PDSS2: variants seen among roughly 807,000 people sequenced by gnomAD.
PDSS2 encodes the protein decaprenyl diphosphate synthase subunit 2.
PDSS2 carries 31 observed loss-of-function variants against 44.5 expected under a neutral mutation model. That is an observed-to-expected ratio of 0.70 (90% CI 0.52 to 0.94). The LOEUF is 0.94. Among genes scored for constraint, PDSS2 ranks in the 40% least tolerant of loss-of-function variants. The probability of loss-of-function intolerance (pLI) is 0.00; values close to 1 mark genes in which losing one functional copy is unlikely to be tolerated. For missense variants in PDSS2, 452 were observed against 482.2 expected (o/e 0.94, Z 0.59); for synonymous variants, 157 against 180.3 (o/e 0.87, Z 1.03).
chr6:107,171,458 G>A lies in PDSS2; in HGVS notation c.1042-16681C>T, dbSNP rs147586395. Among the ~76,000 whole-genome samples the A allele has an allele frequency of 1.8e-3, 269 of 152,102 alleles. 2 individuals are homozygous for A. Among genetic ancestry groups the A allele is most frequent in the Non-Finnish European group, 3.1e-3 (208 of 67,988 alleles). On this transcript the variant is annotated intron_variant, in intron 7 of 7. Coordinates refer to ENST00000369037, the MANE Select transcript of PDSS2 (RefSeq NM_020381.4). Reference sequence around the variant, plus strand: ...GTAACAGGTGTGAACCATCACAACCGTCCATGATCTTGGTTCTAATAGCCA... The same window carrying A: ...GTAACAGGTGTGAACCATCACAACCATCCATGATCTTGGTTCTAATAGCCA...
At chr6:107,184,127 C>A (rs12213684) in intron 7 of PDSS2, among the ~76,000 whole-genome samples, 1 of 151,834 alleles carries the variant, frequency 6.6e-6, no homozygotes, top group African/African-American at 2.4e-5. Flanking sequence ...ATGTAAAGTC[C>A]CAGGGTAGGA....
chr6:107,419,336 T>C (rs146011949), intron 1 of PDSS2, among the ~76,000 whole-genome samples: 22 of 152,334 alleles, frequency 1.4e-4, no homozygotes, highest in African/African-American at 5.1e-4. Context: ...TTAACTGACT[T>C]TGTCAAAGGA....
intron 7 of PDSS2, among the ~76,000 whole-genome samples, chr6:107,167,284 C>G (rs368816107): frequency 6.6e-6 from 1 of 152,134 alleles, no homozygotes; most frequent in East Asian, 1.9e-4. Flanking sequence ...TTATAGTATT[C>G]TCTGATGGTA....
At chr6:107,237,384 C>T (rs1355664699) in intron 4 of PDSS2, among the ~76,000 whole-genome samples, 1 of 151,962 alleles carries the variant, frequency 6.6e-6, no homozygotes, top group Non-Finnish European at 1.5e-5. Flanking sequence ...ACTGGGATTA[C>T]AGGCACCCAC....
At chr6:107,333,689 C>T (rs1777783680) in intron 2 of PDSS2, among the ~76,000 whole-genome samples, 1 of 152,124 alleles carries the variant, frequency 6.6e-6, no homozygotes, top group African/African-American at 2.4e-5. Flanking sequence ...GCACATACCA[C>T]CACAACTAGC....
chr6:107,337,367 T>C (rs894112115), intron 1 of PDSS2, among the ~76,000 whole-genome samples: 4 of 152,198 alleles, frequency 2.6e-5, no homozygotes, highest in Middle Eastern at 6.3e-3. Flanking sequence ...AACATTATGC[T>C]ATGTAGTGAT....
rs377274412 is a variant in PDSS2, at chr6:107,338,617, A to C, written c.297-4285T>G. On this transcript the variant is annotated intron_variant, in intron 1 of 7. Coordinates refer to ENST00000369037, the MANE Select transcript of PDSS2 (RefSeq NM_020381.4). ...AGAAGCAACTAACACAATTCAGGGG[A>C]TGTCAAAGAGACTTCCGTGAGATCT... Among the ~76,000 whole-genome samples the C allele has an allele frequency of 1.1e-4, 16 of 152,312 alleles. No individual in the cohort carries two copies. The South Asian group carries it at 3.3e-3, about 32-fold the overall frequency.
At chr6:107,204,416 G>A (rs1352590849) in intron 6 of PDSS2, among the ~76,000 whole-genome samples, 1 of 152,056 alleles carries the variant, frequency 6.6e-6, no homozygotes, top group East Asian at 1.9e-4. Context: ...TTGCTGATCT[G>A]AACATTCATG....
chr6:107,249,272 G>A (rs1774733811), intron 3 of PDSS2, among the ~76,000 whole-genome samples: 1 of 152,174 alleles, frequency 6.6e-6, no homozygotes, highest in African/African-American at 2.4e-5. Flanking sequence ...TTCAGTACAA[G>A]CCTTGCGTAG....
At chr6:107,449,387 C>T (rs1013496329) in intron 1 of PDSS2, among the ~76,000 whole-genome samples, 1 of 152,146 alleles carries the variant, frequency 6.6e-6, no homozygotes, top group African/African-American at 2.4e-5. Context: ...TAACCAATCT[C>T]CAGAACTTTT....
chr6:107,346,414 G>T (rs1778250556), intron 1 of PDSS2, among the ~76,000 whole-genome samples: 1 of 152,036 alleles, frequency 6.6e-6, no homozygotes, highest in Non-Finnish European at 1.5e-5. Flanking sequence ...AGGCTCATAG[G>T]AATAATTTAT....
At chr6:107,255,444 A>G (rs1774980429) in intron 3 of PDSS2, among the ~76,000 whole-genome samples, 1 of 151,520 alleles carries the variant, frequency 6.6e-6, no homozygotes, top group Non-Finnish European at 1.5e-5. Flanking sequence ...CACTGGCCTC[A>G]GCCTCCCAAA....
intron 2 of PDSS2, among the ~76,000 whole-genome samples, chr6:107,304,106 T>C (rs980888057): frequency 6.6e-5 from 10 of 152,194 alleles, no homozygotes; most frequent in Admixed American, 1.3e-4. Context: ...AATGATTCCC[T>C]TTTTTCTTGA....
chr6:107,316,448 C>CT (rs556792146), intron 2 of PDSS2, among the ~76,000 whole-genome samples: 26 of 146,604 alleles, frequency 1.8e-4, no homozygotes, highest in East Asian at 4.0e-4. Context: ...CAAAAGGTTG[C>CT]TTTTTTTTTT....
At chr6:107,399,988 C>G (rs1780058682) in intron 1 of PDSS2, among the ~76,000 whole-genome samples, 1 of 152,098 alleles carries the variant, frequency 6.6e-6, no homozygotes, top group South Asian at 2.1e-4. Context: ...ACTTCAGATA[C>G]TTTGAAAAAT....
At chr6:107,313,150 T>G (rs9480764) in intron 2 of PDSS2, among the ~76,000 whole-genome samples, 5 of 152,112 alleles carry the variant, frequency 3.3e-5, no homozygotes, top group Admixed American at 6.5e-5. Flanking sequence ...TATAAACATG[T>G]GCTTACATTC....
intron 5 of PDSS2, 42 bp downstream of exon 5, chr6:107,212,067 G>A: frequency 6.6e-7 from 1 of 1,523,542 alleles, no homozygotes; most frequent in Non-Finnish European, 9.1e-7. Context: ...TGTCGTTTTA[G>A]CTATTTAAGT....
At chr6:107,338,788 C>T (rs972413515) in intron 1 of PDSS2, among the ~76,000 whole-genome samples, 8 of 151,814 alleles carry the variant, frequency 5.3e-5, no homozygotes, top group South Asian at 2.1e-4. Context: ...GAACACAGTA[C>T]GTAAAGGAAG....
At chr6:107,203,259 C>T (rs1426919130) in intron 6 of PDSS2, among the ~76,000 whole-genome samples, 1 of 152,150 alleles carries the variant, frequency 6.6e-6, no homozygotes, top group African/African-American at 2.4e-5. Flanking sequence ...TTTCTGTTAT[C>T]CTAGTCCAAA....
Sources: allele counts gnomAD v4.1 joint callset (sites outside exome capture counted in the v4.1 genomes callset), GRCh38; gene constraint gnomAD v4.1.1; transcripts MANE v1.5; gene names NCBI Gene and HGNC (gene_info 2026-07-23, HGNC 2026-07-21).